RAI1: variants seen among roughly 807,000 people sequenced by gnomAD.
RAI1 encodes retinoic acid-induced protein 1.
A neutral mutation model predicts 123.8 loss-of-function variants in RAI1; 9 were observed. The ratio of observed to expected loss-of-function variants is 0.07; its 90% CI spans 0.04 to 0.13. RAI1 has a LOEUF of 0.13. Among genes scored for constraint, RAI1 ranks in the 10% least tolerant of loss-of-function variants. The pLI is 1.00. For synonymous variants in RAI1, 1,231 were observed against 1,127.3 expected (o/e 1.09, Z -1.84); for missense variants, 2,256 against 2,545.8 (o/e 0.89, Z 2.45).
rs547398893 is a variant in RAI1 at position 17,695,904 on chromosome 17, C to A, written c.-149+14111C>A. ...CTGAGTAGGCAGCTAAATTGAATGT[C>A]GGCCTTTGGGTCTCCGAAGGGAGGC... On this transcript the variant is annotated intron_variant, in intron 1 of 5. Transcript: ENST00000353383. Among the ~76,000 whole-genome samples, 341 of 152,322 alleles carry A rather than the reference C, an allele frequency of 2.2e-3. 2 individuals carry two copies. The highest frequency in any genetic ancestry group is 3.3e-3 in the Admixed American group (51 of 15,310).
intron 1 of RAI1, among the ~76,000 whole-genome samples, chr17:17,708,406 A>T (rs988461413): frequency 1.5e-5 from 2 of 134,106 alleles, no homozygotes; most frequent in East Asian, 3.9e-4. Flanking sequence ...TCTCATATAT[A>T]TATATACACA....
chr17:17,724,739 A>C (rs983328599), intron 2 of RAI1, among the ~76,000 whole-genome samples: 2 of 152,014 alleles, frequency 1.3e-5, no homozygotes, highest in African/African-American at 4.8e-5. Flanking sequence ...TGACGCCTCC[A>C]GGCGCTTCCT....
At chr17:17,764,030 C>T (rs2030815918) in intron 2 of RAI1, among the ~76,000 whole-genome samples, 1 of 152,230 alleles carries the variant, frequency 6.6e-6, no homozygotes, top group Non-Finnish European at 1.5e-5. Context: ...AATTTCACTG[C>T]AAAGTGGGCC....
intron 1 of RAI1, among the ~76,000 whole-genome samples, chr17:17,694,866 C>T (rs1181334279): frequency 6.6e-6 from 1 of 151,832 alleles, no homozygotes; most frequent in East Asian, 1.9e-4. Flanking sequence ...CCTGGCGGAT[C>T]CCGGGTCTTT....
chr17:17,795,558 G>A lies in RAI1; in HGVS notation c.2610G>A (p.Glu870=). Residue 870 remains glutamate (E), a synonymous_variant, in exon 3 of 6, where the codon GAG becomes GAA. Coordinates refer to ENST00000353383, the MANE Select transcript of RAI1 (RefSeq NM_030665.4). This position sits in a 1 kb window ranked among gnomAD's most constrained non-coding sequence, Gnocchi z 5.9. ...SRKEDLEAEE[E]YSSLCELLGS... is the part of the protein sequence containing the mutation. ...AGGAGGACCTGGAAGCTGAGGAGGA[G>A]TACTCCTCCCTATGTGAGCTCCTGG... 1 of 1,609,306 alleles carries A rather than the reference G, an allele frequency of 6.2e-7. No individual in the cohort carries two copies.
chr17:17,686,032 A>G (rs2142854966), intron 1 of RAI1, among the ~76,000 whole-genome samples: 1 of 152,324 alleles, frequency 6.6e-6, no homozygotes, highest in Admixed American at 6.5e-5. Flanking sequence ...CATAGCGTTT[A>G]TCACGGAATT....
chr17:17,774,574 C>G (rs2031272156), intron 2 of RAI1, among the ~76,000 whole-genome samples: 1 of 152,366 alleles, frequency 6.6e-6, no homozygotes, highest in South Asian at 2.1e-4. Context: ...GTCCGCCCAC[C>G]CGGGCAGTGA....
At chr17:17,740,735 TA>T (rs1307035576) in intron 2 of RAI1, among the ~76,000 whole-genome samples, 1 of 152,166 alleles carries the variant, frequency 6.6e-6, no homozygotes, top group Non-Finnish European at 1.5e-5. Flanking sequence ...GGGACAATGC[TA>T]TTTTTCATAT....
At chr17:17,759,462 C>T (rs2030591195) in intron 2 of RAI1, 1 of 152,216 alleles carries the variant, frequency 6.6e-6, no homozygotes, top group Admixed American at 6.5e-5. Flanking sequence ...TGTTTCCCTG[C>T]AGTCTCACCC....
At chr17:17,717,820 C>G (rs775725869) in intron 1 of RAI1, among the ~76,000 whole-genome samples, 1 of 152,170 alleles carries the variant, frequency 6.6e-6, no homozygotes, top group African/African-American at 2.4e-5. Context: ...CCCAGTCACA[C>G]GCCTGCAGGC....
At chr17:17,805,388 C>G (rs1396911465) in intron 4 of RAI1, among the ~76,000 whole-genome samples, 2 of 152,052 alleles carry the variant, frequency 1.3e-5, no homozygotes, top group African/African-American at 2.4e-5. Flanking sequence ...TTGGGTCCAG[C>G]CTCTGTGACC....
At chr17:17,792,183 T>TG (rs1488961828) in intron 2 of RAI1, among the ~76,000 whole-genome samples, 1 of 152,192 alleles carries the variant, frequency 6.6e-6, no homozygotes, top group Non-Finnish European at 1.5e-5. Flanking sequence ...GCTGCCGTCT[T>TG]GCGTTCCTGG....
chr17:17,808,414 ATT>A (rs2032640383), intron 4 of RAI1, among the ~76,000 whole-genome samples: 1 of 125,900 alleles, frequency 7.9e-6, no homozygotes, highest in African/African-American at 3.2e-5. Context: ...ATTTTATTTT[ATT>A]ATTTTATTTT....
chr17:17,794,624 C>A lies in RAI1; in HGVS notation c.1676C>A (p.Thr559Asn). The A allele has an allele frequency of 1.9e-6, 3 of 1,613,176 alleles. No individual in the cohort carries two copies. Among genetic ancestry groups the A allele is most frequent in the Non-Finnish European group, 2.5e-6 (3 of 1,180,048 alleles). ...GAGTCCGTGTCCACCTGTTCTGTGA[C>A]CTCTCCTGACGACATGTCCACCAAA... ...KPESVSTCSV[T>N]SPDDMSTKSD... Residue 559 changes from threonine (T) to asparagine (N), a missense_variant, in exon 3 of 6, where the codon ACC becomes AAC. By Grantham distance (65) the Thr-to-Asn change is moderately conservative (BLOSUM62 0). This residue lies in a region of RAI1 where 357 missense variants were observed against 480.2 expected (regional missense o/e 0.74). Transcript: ENST00000353383.
At position 17,793,186 on chromosome 17, in the gene RAI1, C is replaced by T. The variant is rs754000026; in HGVS notation, c.238C>T (p.Arg80Ter). The change falls in exon 3 of 6, where the codon CGA becomes TGA. Residue 80 changes from arginine (R) to a stop codon, truncating the protein, a stop_gained. Coordinates refer to ENST00000353383, the MANE Select transcript of RAI1 (RefSeq NM_030665.4). LOFTEE classifies it high-confidence loss of function. ...CGCGGTGGCCGCCGACAAGTACCAC[C>T]GAGGCAGCAAGGCCCTGCCCACACA... ...AAAVAADKYH[R>*]GSKALPTQQG... 6.2e-7 allele frequency: 1 copy of T among 1,612,978 alleles called. No homozygotes were observed. Among genetic ancestry groups the T allele is most frequent in the East Asian group, 2.2e-5 (1 of 44,830 alleles).
At chr17:17,762,368 G>A (rs1439534108) in intron 2 of RAI1, among the ~76,000 whole-genome samples, 1 of 152,094 alleles carries the variant, frequency 6.6e-6, no homozygotes, top group African/African-American at 2.4e-5. Context: ...GAGCCAGTGG[G>A]AGCCAGTGTG....
chr17:17,791,061 C>T (rs994235408), intron 2 of RAI1, among the ~76,000 whole-genome samples: 1 of 152,238 alleles, frequency 6.6e-6, no homozygotes, highest in Admixed American at 6.5e-5. Flanking sequence ...GCGACAAATC[C>T]AGGGAGAGGA....
intron 2 of RAI1, among the ~76,000 whole-genome samples, chr17:17,742,788 C>T (rs1449183596): frequency 6.6e-6 from 1 of 152,164 alleles, no homozygotes; most frequent in Non-Finnish European, 1.5e-5. Context: ...GGTCCTTGCA[C>T]ACGCACTGTT....
chr17:17,751,228 C>A (rs941448), intron 2 of RAI1, among the ~76,000 whole-genome samples: 6 of 151,944 alleles, frequency 3.9e-5, no homozygotes, highest in African/African-American at 1.5e-4. Flanking sequence ...AGGTAGCCCA[C>A]GCTTCCCGAG....
Sources: allele counts gnomAD v4.1 joint callset (sites outside exome capture counted in the v4.1 genomes callset), GRCh38; gene constraint gnomAD v4.1.1; regional missense constraint gnomAD v4.1.1; non-coding constraint Gnocchi (gnomAD v3.1); transcripts MANE v1.5; gene names NCBI Gene and HGNC (gene_info 2026-07-23, HGNC 2026-07-21).